The following HIVEP3 variants were observed in gnomAD, a reference collection of about 807,000 sequenced individuals.
HIVEP3 encodes the protein HIVEP zinc finger 3.
HIVEP3 carries 49 observed loss-of-function variants against 152.8 expected under a neutral mutation model. The observed-to-expected ratio is 0.32, with a 90% CI of 0.26 to 0.41. The LOEUF is 0.41. Among genes scored for constraint, HIVEP3 ranks in the 10% least tolerant of loss-of-function variants. The pLI is 1.00. For missense variants in HIVEP3, 2,790 were observed against 3,103.3 expected, an observed-to-expected ratio of 0.90 and a Z score of 2.40; for synonymous variants, 1,269 against 1,289.0, an observed-to-expected ratio of 0.98 and a Z score of 0.33.
At chr1:42,034,255 T>C (rs1645628803) in intron 1 of HIVEP3, among the ~76,000 whole-genome samples, 1 of 152,172 alleles carries the variant, frequency 6.6e-6, no homozygotes, top group Non-Finnish European at 1.5e-5. Context: ...ATTGTAACAT[T>C]TACTGCACCA....
At chr1:41,705,115 T>C (rs984387522) in intron 1 of HIVEP3, among the ~76,000 whole-genome samples, 1 of 152,264 alleles carries the variant, frequency 6.6e-6, no homozygotes, top group Non-Finnish European at 1.5e-5. Flanking sequence ...TTGACCTTTT[T>C]ATGCCCTTTA....
intron 1 of HIVEP3, among the ~76,000 whole-genome samples, chr1:41,769,281 C>T (rs1308964363): frequency 6.6e-6 from 1 of 152,222 alleles, no homozygotes; most frequent in African/African-American, 2.4e-5. Flanking sequence ...CTGGCCAACC[C>T]TACGGGGGGT....
intron 1 of HIVEP3, among the ~76,000 whole-genome samples, chr1:41,924,399 T>C (rs1168281980): frequency 6.6e-6 from 1 of 152,188 alleles, no homozygotes; most frequent in Non-Finnish European, 1.5e-5. Flanking sequence ...ACAACCACCA[T>C]GATGAGAAAC....
At chr1:41,855,872 T>A (rs1268950633) in intron 1 of HIVEP3, among the ~76,000 whole-genome samples, 1 of 152,224 alleles carries the variant, frequency 6.6e-6, no homozygotes, top group Admixed American at 6.5e-5. Context: ...GAAGCTGTGA[T>A]GAATCAGAGG....
chr1:42,010,906 A>C (rs948005861), intron 1 of HIVEP3, among the ~76,000 whole-genome samples: 28 of 152,082 alleles, frequency 1.8e-4, no homozygotes, highest in African/African-American at 6.7e-4. Flanking sequence ...ACTGTTTCAA[A>C]GCTCACTCTT....
chr1:41,965,833 C>T (rs185536043), intron 1 of HIVEP3, among the ~76,000 whole-genome samples: 25 of 152,146 alleles, frequency 1.6e-4, no homozygotes, highest in Non-Finnish European at 3.4e-4. Flanking sequence ...AGAACTTCCC[C>T]AATCTAGCAA....
intron 1 of HIVEP3, among the ~76,000 whole-genome samples, chr1:41,808,220 G>A (rs532096535): frequency 6.6e-6 from 1 of 152,312 alleles, no homozygotes; most frequent in South Asian, 2.1e-4. Flanking sequence ...CAAGGGGTGG[G>A]GCTGGACTTG....
At chr1:41,906,386 C>G (rs1317402090) in intron 1 of HIVEP3, among the ~76,000 whole-genome samples, 5 of 152,040 alleles carry the variant, frequency 3.3e-5, no homozygotes, top group Admixed American at 6.5e-5. Flanking sequence ...CTGATCTACA[C>G]AACATGGATG....
At chr1:41,969,746 G>T (rs1007685282) in intron 1 of HIVEP3, among the ~76,000 whole-genome samples, 2 of 152,134 alleles carry the variant, frequency 1.3e-5, no homozygotes, top group Non-Finnish European at 2.9e-5. Flanking sequence ...CACAGCAAAA[G>T]AAATTTTCAT....
rs773695624 is a variant in HIVEP3, at chr1:41,580,040, A to T, written c.4758T>A (p.Gly1586=). 6.2e-7 allele frequency: 1 copy of T among 1,614,180 alleles called. No homozygotes were observed. The highest frequency in any genetic ancestry group is 1.1e-5 in the South Asian group (1 of 91,086). The change falls in exon 4 of 9, where the codon GGT becomes GGA. Residue 1586 remains glycine (G), a synonymous_variant. Coordinates refer to ENST00000372583, the MANE Select transcript of HIVEP3 (RefSeq NM_024503.5). ...TSSRPAKSQE[G]TDSKKVLQFP... ...ACTGCAGTACCTTCTTTGAGTCCGT[A>T]CCTTCTTGTGACTTGGCTGGTCTGG...
At chr1:41,591,335 G>C (rs1644584336) in intron 3 of HIVEP3, among the ~76,000 whole-genome samples, 3 of 152,158 alleles carry the variant, frequency 2.0e-5, no homozygotes. Flanking sequence ...TATTGGGAGA[G>C]ACCTGAGTTC....
intron 7 of HIVEP3, 21 bp downstream of exon 7, chr1:41,518,381 G>A (rs1642667455): frequency 6.3e-7 from 1 of 1,599,596 alleles, no homozygotes; most frequent in African/African-American, 1.3e-5. Flanking sequence ...AAAGGGGACG[G>A]AGAAGGTTGG....
At chr1:42,032,637 C>T (rs1055751220) in intron 1 of HIVEP3, among the ~76,000 whole-genome samples, 1 of 152,124 alleles carries the variant, frequency 6.6e-6, no homozygotes, top group Non-Finnish European at 1.5e-5. Context: ...AGCCTCCATC[C>T]TCTTATTGCC....
intron 1 of HIVEP3, among the ~76,000 whole-genome samples, chr1:41,756,153 T>C (rs1321049040): frequency 6.6e-6 from 1 of 152,244 alleles, no homozygotes; most frequent in African/African-American, 2.4e-5. Flanking sequence ...ACTGTTGTTA[T>C]ACAGATCTCG....
In HIVEP3 at chr1:41,583,992, G is replaced by A; in HGVS notation, c.806C>T (p.Pro269Leu). ...YPHGLEMERI[P>L]GEEFEEPTEG... The stretch of plus-strand genomic sequence containing the variant: ...AGTGGGCTCCTCAAACTCTTCCCCA[G>A]GGATCCGCTCCATCTCCAGCCCATG... Residue 269 changes from proline (P) to leucine (L), a missense_variant, in exon 4 of 9, where the codon CCT becomes CTT. Transcript: ENST00000372583. This position sits in a 1 kb window ranked among gnomAD's most constrained non-coding sequence, Gnocchi z 6.9. 6.2e-7 allele frequency: 1 copy of A among 1,614,204 alleles called. No homozygotes were observed. Among genetic ancestry groups the A allele is most frequent in the South Asian group, 1.1e-5 (1 of 91,088 alleles).
rs372451857 is a variant in HIVEP3 at position 41,584,696 on chromosome 1, G to C, written c.102C>G (p.Ser34Arg). ...GEAIQTSVSS[S>R]VPYPGSGTAA... ...CTGTGCCGCTGCCTGGGTATGGGACGCTGGAAGAAACACTGGTCTGAATGG... is the reference window on the plus strand; with the variant it reads ...CTGTGCCGCTGCCTGGGTATGGGACCCTGGAAGAAACACTGGTCTGAATGG... The change falls in exon 4 of 9, where the codon AGC becomes AGG. Residue 34 changes from serine to arginine, a missense_variant. By Grantham distance (110) the Ser-to-Arg change is moderately radical (BLOSUM62 -1). Transcript: ENST00000372583. This position sits in a 1 kb window ranked among gnomAD's most constrained non-coding sequence, Gnocchi z 5.2. The C allele has an allele frequency of 2.6e-6, 4 of 1,563,968 alleles. No individual in the cohort carries two copies. Among genetic ancestry groups the C allele is most frequent in the East Asian group, 2.2e-5 (1 of 44,490 alleles).
chr1:41,706,406 C>G (rs1558195998), intron 1 of HIVEP3, among the ~76,000 whole-genome samples: 1 of 152,192 alleles, frequency 6.6e-6, no homozygotes, highest in Non-Finnish European at 1.5e-5. Flanking sequence ...CTCAGCCTCC[C>G]TAATAGCTGG....
Position 41,701,635 on chromosome 1 carries a change from G to A in HIVEP3, c.-800-640C>T, listed in dbSNP as rs116274726. Among the ~76,000 whole-genome samples, 1,240 of 152,314 alleles carry A rather than the reference G, an allele frequency of 8.1e-3. 14 individuals are homozygous for A. Among genetic ancestry groups the A allele is most frequent in the African/African-American group, 0.028 (1,175 of 41,566 alleles). ...TCGGTACAAGGACCTCTCTTTGTAT[G>A]AAATTATTTCTCCAAACTCCTGATG... On this transcript the variant is annotated intron_variant, in intron 1 of 8. Transcript: ENST00000372583.
rs1021409272 is a variant in HIVEP3 at position 42,015,033 on chromosome 1, G to C, written n.119+20774C>G. ...CAGAGGTCCGTGCTGCTGGTGGTCA[G>C]CAGCCCTGTGGAGAGGCAAAGCCAG... On this transcript the variant is annotated intron_variant and non_coding_transcript_variant, in intron 1 of 3. Coordinates refer to the HIVEP3 transcript ENST00000489103. Among the ~76,000 whole-genome samples, 4 of 152,182 alleles carry C rather than the reference G, an allele frequency of 2.6e-5. 1 individual carries two copies. The highest frequency in any genetic ancestry group is 9.7e-5 in the African/African-American group (4 of 41,448).
Sources: allele counts gnomAD v4.1 joint callset (sites outside exome capture counted in the v4.1 genomes callset), GRCh38; gene constraint gnomAD v4.1.1; non-coding constraint Gnocchi (gnomAD v3.1); transcripts MANE v1.5; gene names NCBI Gene and HGNC (gene_info 2026-07-23, HGNC 2026-07-21).